PRKG1: variants seen among roughly 807,000 people sequenced by gnomAD.
PRKG1 encodes the protein protein kinase cGMP-dependent 1.
A neutral mutation model predicts 88.1 loss-of-function variants in PRKG1; 35 were observed. The observed-to-expected ratio is 0.40, with a 90% CI of 0.30 to 0.53. The LOEUF (loss-of-function observed/expected upper bound fraction) is 0.53. Ranked by LOEUF, PRKG1 falls within the 20% of genes least tolerant of loss-of-function variation. The probability of loss-of-function intolerance (pLI) is 0.59; values close to 1 mark genes in which losing one functional copy is unlikely to be tolerated. For synonymous variants in PRKG1, 303 were observed against 292.5 expected, an observed-to-expected ratio of 1.04 and a Z score of -0.37; for missense variants, 540 against 839.8, an observed-to-expected ratio of 0.64 and a Z score of 4.41.
chr10:51,332,118 A>T (rs1841756976), intron 2 of PRKG1, among the ~76,000 whole-genome samples: 1 of 152,236 alleles, frequency 6.6e-6, no homozygotes, highest in Admixed American at 6.5e-5. Context: ...CCTTTAAAAA[A>T]TATGGAGAAA....
At chr10:51,361,845 A>C (rs2132588284) in intron 2 of PRKG1, among the ~76,000 whole-genome samples, 1 of 152,010 alleles carries the variant, frequency 6.6e-6, no homozygotes, top group African/African-American at 2.4e-5. Flanking sequence ...TGATTTCATT[A>C]ATTCTAATCA....
At chr10:51,111,928 G>A (rs1844989338) in intron 1 of PRKG1, among the ~76,000 whole-genome samples, 2 of 152,112 alleles carry the variant, frequency 1.3e-5, no homozygotes, top group South Asian at 4.1e-4. Flanking sequence ...CAGTAGGGGT[G>A]CTACTTCTTG....
intron 7 of PRKG1, among the ~76,000 whole-genome samples, chr10:52,075,621 A>T (rs1366406626): frequency 6.6e-6 from 1 of 152,220 alleles, no homozygotes; most frequent in African/African-American, 2.4e-5. Context: ...TAGTTAGCTT[A>T]GTTAGCTTTG....
chr10:51,272,326 G>T (rs1051465949), intron 2 of PRKG1, among the ~76,000 whole-genome samples: 1 of 151,890 alleles, frequency 6.6e-6, no homozygotes, highest in African/African-American at 2.4e-5. Flanking sequence ...GTGGACACAG[G>T]GAGGGGAACA....
intron 5 of PRKG1, among the ~76,000 whole-genome samples, chr10:52,053,660 T>A (rs934751613): frequency 1.3e-5 from 2 of 152,182 alleles, no homozygotes; most frequent in African/African-American, 2.4e-5. Context: ...GCAGAAGTAA[T>A]CTTCACCCTG....
rs536368657 is a variant in PRKG1 at position 51,743,711 on chromosome 10, A to T, written c.593-60874A>T. Among the ~76,000 whole-genome samples, 537 of 115,076 alleles carry T rather than the reference A, an allele frequency of 4.7e-3. 2 individuals carry two copies. Among genetic ancestry groups the T allele is most frequent in the Non-Finnish European group, 8.0e-3 (456 of 57,118 alleles). 75.5% of individuals were successfully genotyped at this position (115,076 alleles called of 152,430 possible). ...TTTATTATATATATAATATAAACTAAATATATATATATATAATATAAACTA... is the reference window on the plus strand; with the variant it reads ...TTTATTATATATATAATATAAACTATATATATATATATATAATATAAACTA... On this transcript the variant is annotated intron_variant, in intron 3 of 17. Coordinates refer to ENST00000373980, the MANE Select transcript of PRKG1 (RefSeq NM_006258.4).
intron 6 of PRKG1, among the ~76,000 whole-genome samples, chr10:52,057,354 G>A (rs756674114): frequency 4.6e-5 from 7 of 152,300 alleles, no homozygotes; most frequent in Middle Eastern, 3.4e-3. Context: ...TGCTTGCAGT[G>A]ATGATGGCTA....
At chr10:52,268,724 T>C (rs1841640185) in intron 10 of PRKG1, among the ~76,000 whole-genome samples, 1 of 152,084 alleles carries the variant, frequency 6.6e-6, no homozygotes, top group Non-Finnish European at 1.5e-5. Context: ...TTTCTGCCAC[T>C]TGATAGCTCT....
At chr10:52,268,681 C>G (rs1052757325) in intron 10 of PRKG1, among the ~76,000 whole-genome samples, 1 of 151,740 alleles carries the variant, frequency 6.6e-6, no homozygotes, top group African/African-American at 2.4e-5. Context: ...CTGGAAATAG[C>G]TTGGGCCAAA....
At chr10:51,961,961 G>A (rs1443596936) in intron 5 of PRKG1, among the ~76,000 whole-genome samples, 2 of 152,050 alleles carry the variant, frequency 1.3e-5, no homozygotes, top group Non-Finnish European at 2.9e-5. Flanking sequence ...AAATAAAAAT[G>A]GAAAAACTAG....
Position 51,393,886 on chromosome 10 carries a change from A to G in PRKG1, c.479-73837A>G, listed in dbSNP as rs866523572. 1.6e-4 allele frequency among the ~76,000 whole-genome samples: 25 copies of G among 152,290 alleles called. 1 individual carries two copies. The highest frequency in any genetic ancestry group is 6.8e-3 in the Middle Eastern group (2 of 294). On this transcript the variant is annotated intron_variant, in intron 2 of 17. Transcript: ENST00000373980. ...ATCACACTGTACTATTTGGGGGTAT[A>G]TATGGTAAAAAGCATTACGTTTTAA...
intron 2 of PRKG1, among the ~76,000 whole-genome samples, chr10:51,308,668 TAATATAGA>T (rs1205483581): frequency 6.6e-6 from 1 of 152,196 alleles, no homozygotes; most frequent in Non-Finnish European, 1.5e-5. Context: ...AGAAGTGATT[TAATATAGA>T]AATTGTTCAA....
intron 2 of PRKG1, among the ~76,000 whole-genome samples, chr10:51,339,226 T>C (rs1293716098): frequency 6.6e-6 from 1 of 152,182 alleles, no homozygotes; most frequent in African/African-American, 2.4e-5. Context: ...TTGTTTGAGC[T>C]TATAAAGTAC....
chr10:51,499,879 A>T (rs1840971976), intron 3 of PRKG1, among the ~76,000 whole-genome samples: 1 of 152,210 alleles, frequency 6.6e-6, no homozygotes, highest in African/African-American at 2.4e-5. Flanking sequence ...GAATCACTTG[A>T]ACCCAGGAAG....
intron 7 of PRKG1, among the ~76,000 whole-genome samples, chr10:52,067,818 A>T (rs1846390752): frequency 6.6e-6 from 1 of 152,096 alleles, no homozygotes; most frequent in Admixed American, 6.5e-5. Context: ...ATATATATGA[A>T]AACTAAAGGT....
In PRKG1 at chr10:52,279,180, G is replaced by A. The variant is rs192056294; in HGVS notation, c.1404-1609G>A. 6.6e-5 allele frequency among the ~76,000 whole-genome samples: 10 copies of A among 152,246 alleles called. No homozygotes were observed. The East Asian group carries it at 9.7e-4, about 15-fold the overall frequency. Reference sequence around the variant, plus strand: ...AAGAAAGGACCTTCAAGGCAATACTGTAATCCCTTTGGAACTACATACAAT... The same window carrying A: ...AAGAAAGGACCTTCAAGGCAATACTATAATCCCTTTGGAACTACATACAAT... On this transcript the variant is annotated intron_variant, in intron 12 of 17. Coordinates refer to ENST00000373980, the MANE Select transcript of PRKG1 (RefSeq NM_006258.4).
chr10:52,021,135 T>C (rs1845173543), intron 5 of PRKG1, among the ~76,000 whole-genome samples: 1 of 152,134 alleles, frequency 6.6e-6, no homozygotes, highest in South Asian at 2.1e-4. Flanking sequence ...AAGCTGTTCA[T>C]CAGAATGATC....
chr10:51,006,324 C>T (rs1174961726), intron 1 of PRKG1, among the ~76,000 whole-genome samples: 2 of 152,090 alleles, frequency 1.3e-5, no homozygotes, highest in South Asian at 2.1e-4. Flanking sequence ...AAACCACAGC[C>T]TCTTCAATTA....
At chr10:51,630,338 G>A (rs558764482) in intron 3 of PRKG1, among the ~76,000 whole-genome samples, 14 of 152,268 alleles carry the variant, frequency 9.2e-5, no homozygotes, top group African/African-American at 3.1e-4. Context: ...TCTAGGTGAC[G>A]TTTCTCAGCT....
Sources: gnomAD v4.1 joint callset for allele counts (sites outside exome capture counted in the v4.1 genomes callset) on GRCh38, gnomAD v4.1.1 for gene constraint, MANE v1.5 for transcripts, NCBI Gene and HGNC (gene_info 2026-07-23, HGNC 2026-07-21) for gene names.